CDH12: variants seen among roughly 807,000 people sequenced by gnomAD.
The protein encoded by CDH12 is cadherin 12.
In CDH12, 41 loss-of-function variants were observed where a neutral mutation model predicts 74.1. The ratio of observed to expected loss-of-function variants is 0.55; its 90% CI spans 0.43 to 0.72. The LOEUF (loss-of-function observed/expected upper bound fraction) is 0.72. Ranked by LOEUF, CDH12 falls within the 30% of genes least tolerant of loss-of-function variation. The pLI, the probability that CDH12 is intolerant of heterozygous loss-of-function variation, is 0.00. For missense variants in CDH12, 945 were observed against 977.2 expected, an observed-to-expected ratio of 0.97 and a Z score of 0.44; for synonymous variants, 399 against 355.0, an observed-to-expected ratio of 1.12 and a Z score of -1.39.
intron 1 of CDH12, among the ~76,000 whole-genome samples, chr5:22,518,817 G>C (rs1736918484): frequency 6.6e-6 from 1 of 152,060 alleles, no homozygotes; most frequent in African/African-American, 2.4e-5. Flanking sequence ...CTAAGCTGTG[G>C]GTAGTGTGTA....
chr5:22,547,636 G>T (rs958609624), intron 1 of CDH12, among the ~76,000 whole-genome samples: 1 of 151,980 alleles, frequency 6.6e-6, no homozygotes, highest in Non-Finnish European at 1.5e-5. Context: ...CTCATTGGGG[G>T]ATAAAAATAA....
At chr5:21,792,563 T>A (rs1241626370) in intron 10 of CDH12, among the ~76,000 whole-genome samples, 1 of 151,240 alleles carries the variant, frequency 6.6e-6, no homozygotes. Flanking sequence ...GTTGTATTTG[T>A]ATTTTCCTCC....
At chr5:22,071,518 T>A (rs1165632279) in intron 5 of CDH12, among the ~76,000 whole-genome samples, 2 of 152,158 alleles carry the variant, frequency 1.3e-5, no homozygotes, top group Non-Finnish European at 2.9e-5. Flanking sequence ...CTTAAAACTT[T>A]TTCCTGGTTT....
In CDH12 at chr5:22,695,071, T is replaced by C. The variant is rs190082533; in HGVS notation, c.-523+157987A>G. Reference sequence around the variant, plus strand: ...GTCCTCGTTGTTCAACTCCCACTTATGAGTGATAAAATGTGGTGTTTGGTT... The same window carrying C: ...GTCCTCGTTGTTCAACTCCCACTTACGAGTGATAAAATGTGGTGTTTGGTT... On this transcript the variant is annotated intron_variant, in intron 1 of 14. Coordinates refer to ENST00000382254, the MANE Select transcript of CDH12 (RefSeq NM_004061.5). Among the ~76,000 whole-genome samples the C allele has an allele frequency of 6.0e-4, 92 of 152,190 alleles. 1 individual carries two copies. Among genetic ancestry groups the C allele is most frequent in the Admixed American group, 5.4e-3 (83 of 15,296 alleles).
chr5:22,599,792 GAAT>G (rs939886148), intron 1 of CDH12, among the ~76,000 whole-genome samples: 3 of 152,008 alleles, frequency 2.0e-5, no homozygotes, highest in African/African-American at 7.2e-5. Flanking sequence ...ATTTCCTTAT[GAAT>G]AATATATTTA....
chr5:22,789,990 AAAAG>A (rs1747828069), intron 1 of CDH12, among the ~76,000 whole-genome samples: 1 of 152,114 alleles, frequency 6.6e-6, no homozygotes, highest in Admixed American at 6.6e-5. Flanking sequence ...AAAATGACAT[AAAAG>A]AAATATTTTT....
intron 9 of CDH12, among the ~76,000 whole-genome samples, chr5:21,808,954 GT>G (rs1747590824): frequency 6.6e-6 from 1 of 152,006 alleles, no homozygotes; most frequent in Non-Finnish European, 1.5e-5. Flanking sequence ...AACACCATTT[GT>G]TAGAAAATTA....
At chr5:22,523,234 G>A (rs1484944994) in intron 1 of CDH12, among the ~76,000 whole-genome samples, 1 of 151,912 alleles carries the variant, frequency 6.6e-6, no homozygotes, top group African/African-American at 2.4e-5. Context: ...CGTCATATTT[G>A]TACTTTTTTA....
At chr5:22,600,497 T>C (rs769432571) in intron 1 of CDH12, among the ~76,000 whole-genome samples, 14 of 152,130 alleles carry the variant, frequency 9.2e-5, no homozygotes, top group Admixed American at 4.6e-4. Context: ...TTTGCTGTAC[T>C]GTAATAATGC....
intron 3 of CDH12, among the ~76,000 whole-genome samples, chr5:22,325,661 C>T (rs7727815): frequency 0.024 from 3,718 of 152,006 alleles, 66 homozygotes; most frequent in Middle Eastern, 0.11. Context: ...CCGAGGCGGG[C>T]GCATCACAAG....
intron 1 of CDH12, among the ~76,000 whole-genome samples, chr5:22,513,757 C>T (rs1051081380): frequency 6.6e-6 from 1 of 151,764 alleles, no homozygotes; most frequent in Non-Finnish European, 1.5e-5. Flanking sequence ...ACCAGTCTAG[C>T]CAACACGGTG....
chr5:22,227,428 C>T (rs1271596775), intron 3 of CDH12, among the ~76,000 whole-genome samples: 1 of 152,046 alleles, frequency 6.6e-6, no homozygotes, highest in Non-Finnish European at 1.5e-5. Context: ...CAATTTTGAA[C>T]ACTTGGCAAA....
At chr5:21,844,550 G>A (rs1750055037) in intron 7 of CDH12, among the ~76,000 whole-genome samples, 1 of 152,148 alleles carries the variant, frequency 6.6e-6, no homozygotes, top group South Asian at 2.1e-4. Flanking sequence ...GCTAGAAGCA[G>A]CAGAGACATC....
chr5:21,933,517 G>A (rs150780768), intron 6 of CDH12, among the ~76,000 whole-genome samples: 29 of 152,218 alleles, frequency 1.9e-4, no homozygotes, highest in African/African-American at 7.0e-4. Context: ...TTGCAAAGTG[G>A]GAGGAAGGTT....
At chr5:22,204,512 G>A (rs1370841964) in intron 4 of CDH12, among the ~76,000 whole-genome samples, 1 of 152,196 alleles carries the variant, frequency 6.6e-6, no homozygotes, top group Non-Finnish European at 1.5e-5. Context: ...TCTATTTGAA[G>A]TAGTAAAAAA....
rs185061048 is a variant in CDH12, at chr5:21,961,489, G to T, written c.526+13602C>A. On this transcript the variant is annotated intron_variant, in intron 6 of 14. Coordinates refer to ENST00000382254, the MANE Select transcript of CDH12 (RefSeq NM_004061.5). ...ATTTGAGTGCGTTATGGGTTGAATT[G>T]TCTGCCAAAAAAAACATATGTTGAA... Among the ~76,000 whole-genome samples, 1,026 of 152,106 alleles carry T rather than the reference G, an allele frequency of 6.7e-3. 7 individuals carry two copies. The highest frequency in any genetic ancestry group is 9.0e-3 in the Non-Finnish European group (612 of 67,988).
chr5:22,165,589 A>T (rs1421168836), intron 4 of CDH12, among the ~76,000 whole-genome samples: 2 of 151,998 alleles, frequency 1.3e-5, no homozygotes, highest in Non-Finnish European at 2.9e-5. Flanking sequence ...TTTTTTCCTT[A>T]TGTCAGAGGC....
chr5:21,904,605 CAAAATAAA>C (rs1487919379), intron 6 of CDH12, among the ~76,000 whole-genome samples: 1 of 151,866 alleles, frequency 6.6e-6, no homozygotes, highest in Non-Finnish European at 1.5e-5. Flanking sequence ...CCTGTCTCTA[CAAAATAAA>C]TAAATAAAAA....
intron 4 of CDH12, among the ~76,000 whole-genome samples, chr5:22,125,390 T>C (rs1346725376): frequency 2.0e-5 from 3 of 152,206 alleles, no homozygotes; most frequent in Non-Finnish European, 2.9e-5. Context: ...GTTAGTTTGC[T>C]GAGAATGATG....
Sources: gnomAD v4.1 joint callset for allele counts (sites outside exome capture counted in the v4.1 genomes callset) on GRCh38, gnomAD v4.1.1 for gene constraint, MANE v1.5 for transcripts, NCBI Gene and HGNC (gene_info 2026-07-23, HGNC 2026-07-21) for gene names.